ZNF503: variants seen among roughly 807,000 people sequenced by gnomAD.
ZNF503 encodes zinc finger protein 503.
ZNF503 carries 15 observed loss-of-function variants against 34.4 expected under a neutral mutation model. The observed-to-expected ratio is 0.44, with a 90% CI of 0.29 to 0.67. The LOEUF (loss-of-function observed/expected upper bound fraction) is 0.67, where lower values mean the gene tolerates loss of function less well. Ranked by LOEUF, ZNF503 falls within the 30% of genes least tolerant of loss-of-function variation. The pLI, the probability that ZNF503 is intolerant of heterozygous loss-of-function variation, is 0.13. For synonymous variants in ZNF503, 580 were observed against 456.8 expected (o/e 1.27, Z -3.44); for missense variants, 1,007 against 926.8 (o/e 1.09, Z -1.12).
the ZNF503 span, among the ~76,000 whole-genome samples, chr10:75,345,332 C>T: frequency 6.6e-6 from 1 of 152,024 alleles, no homozygotes; most frequent in Admixed American, 6.6e-5. Context: ...CTCTCTAAGA[C>T]CCTCTGGCAT....
chr10:75,300,662 C>G, the ZNF503 span, among the ~76,000 whole-genome samples: 1 of 151,736 alleles, frequency 6.6e-6, no homozygotes, highest in Non-Finnish European at 1.5e-5. Flanking sequence ...GTTCGGGGTC[C>G]CTGACTTCCC....
chr10:75,313,200 C>A, the ZNF503 span, among the ~76,000 whole-genome samples: 1 of 152,112 alleles, frequency 6.6e-6, no homozygotes, highest in African/African-American at 2.4e-5. Flanking sequence ...AGCAAGATGG[C>A]AAAATAGGGG....
At chr10:75,336,377 CAAA>C in the ZNF503 span, among the ~76,000 whole-genome samples, 5 of 137,390 alleles carry the variant, frequency 3.6e-5, no homozygotes, top group Admixed American at 7.4e-5. Context: ...ACAGAATTGT[CAAA>C]AAAAAAAAAA....
At chr10:75,383,126 G>A in the ZNF503 span, among the ~76,000 whole-genome samples, 2 of 152,206 alleles carry the variant, frequency 1.3e-5, no homozygotes, top group African/African-American at 2.4e-5. Context: ...TTGGAAGCCC[G>A]AGGGGCCCAT....
At chr10:75,322,127 A>ATTTT in the ZNF503 span, among the ~76,000 whole-genome samples, 15 of 140,174 alleles carry the variant, frequency 1.1e-4, no homozygotes, top group African/African-American at 3.2e-4. Context: ...ACCACCACCA[A>ATTTT]TTTTTTTTTT....
Position 75,399,625 on chromosome 10 carries a change from C to T in ZNF503, c.1065G>A (p.Ala355=). Residue 355 remains alanine (A), a synonymous_variant, in exon 2 of 2, where the codon GCG becomes GCA. Transcript: ENST00000372524. ...CCAGGCTGCCTGGGTAGGTCATACC[C>T]GCGGGAGGCAGAGGGAACACTGTCT... ...PGQTVFPLPP[A]GMTYPGSLAG... is the part of the protein sequence containing the mutation. 1 of 1,598,536 alleles carries T rather than the reference C, an allele frequency of 6.3e-7. No individual in the cohort carries two copies. Among genetic ancestry groups the T allele is most frequent in the Non-Finnish European group, 8.5e-7 (1 of 1,179,652 alleles).
the ZNF503 span, among the ~76,000 whole-genome samples, chr10:75,301,163 A>T: frequency 6.6e-6 from 1 of 152,118 alleles, no homozygotes; most frequent in South Asian, 2.1e-4. Flanking sequence ...CCAGTCTGAC[A>T]ATCTCTGCCT....
At chr10:75,301,429 T>C in the ZNF503 span, among the ~76,000 whole-genome samples, 1 of 152,044 alleles carries the variant, frequency 6.6e-6, no homozygotes, top group African/African-American at 2.4e-5. Flanking sequence ...TTAGTAGAGA[T>C]GGGGTTTCAC....
chr10:75,359,874 C>T, the ZNF503 span, among the ~76,000 whole-genome samples: 1 of 152,114 alleles, frequency 6.6e-6, no homozygotes. Flanking sequence ...GCTTCAGGAA[C>T]CTGAGAGTGA....
At chr10:75,325,856 G>A in the ZNF503 span, among the ~76,000 whole-genome samples, 2 of 131,650 alleles carry the variant, frequency 1.5e-5, no homozygotes, top group South Asian at 5.9e-4. Flanking sequence ...GTTGTAAATG[G>A]TATTGCTTTT....
the ZNF503 span, chr10:75,350,480 G>A: frequency 6.6e-6 from 1 of 152,142 alleles, no homozygotes; most frequent in East Asian, 1.9e-4. Flanking sequence ...GGTAACCACT[G>A]TTATCAGCTT....
In ZNF503 at chr10:75,401,084, A is replaced by C. The variant is rs758678145; in HGVS notation, c.315+21T>G. ...CAGCCAGGGTAGTGGTCCCAGTGCGATCCAGAGAGAGGGTCCTTACCTCGA... is the reference window on the plus strand; with the variant it reads ...CAGCCAGGGTAGTGGTCCCAGTGCGCTCCAGAGAGAGGGTCCTTACCTCGA... On this transcript the variant is annotated intron_variant, in intron 1 of 1. Coordinates refer to ENST00000372524, the MANE Select transcript of ZNF503 (RefSeq NM_032772.6). 5.3e-5 allele frequency: 86 copies of C among 1,613,502 alleles called. 2 individuals carry two copies. The South Asian group carries it at 9.0e-4, about 17-fold the overall frequency.
rs765948325 is a variant in ZNF503, at chr10:75,399,421, T to C, written c.1269A>G (p.Thr423=). The change falls in exon 2 of 2, where the codon ACA becomes ACG. Residue 423 remains threonine (T), a synonymous_variant. Transcript: ENST00000372524. ...LAGASPPSVM[T]ASLCRDPYCL... is the part of the protein sequence containing the mutation. ...AGTAAGGGTCCCGGCACAAACTGGC[T>C]GTCATCACGGACGGCGGAGACGCTC... The C allele has an allele frequency of 1.2e-6, 2 of 1,603,012 alleles. No homozygotes were observed. The highest frequency in any genetic ancestry group is 1.3e-5 in the African/African-American group (1 of 74,926).
At chr10:75,378,081 C>T in the ZNF503 span, among the ~76,000 whole-genome samples, 13 of 151,932 alleles carry the variant, frequency 8.6e-5, no homozygotes, top group Non-Finnish European at 1.3e-4. Flanking sequence ...GAGGACAGCA[C>T]CAGGCAGGGG....
the ZNF503 span, among the ~76,000 whole-genome samples, chr10:75,374,584 T>C: frequency 6.6e-6 from 1 of 152,006 alleles, no homozygotes; most frequent in Non-Finnish European, 1.5e-5. Context: ...CCCTGCCCCA[T>C]TAAAAATAGC....
At chr10:75,317,007 T>C in the ZNF503 span, among the ~76,000 whole-genome samples, 1 of 152,184 alleles carries the variant, frequency 6.6e-6, no homozygotes, top group Admixed American at 6.5e-5. Context: ...AGCAGCACAG[T>C]CATAGCTCAC....
chr10:75,368,333 AG>A, the ZNF503 span, among the ~76,000 whole-genome samples: 1 of 152,192 alleles, frequency 6.6e-6, no homozygotes, highest in Non-Finnish European at 1.5e-5. Flanking sequence ...GGTACCAATA[AG>A]AATAACAAAT....
At chr10:75,310,504 A>C in the ZNF503 span, among the ~76,000 whole-genome samples, 1 of 152,254 alleles carries the variant, frequency 6.6e-6, no homozygotes, top group Non-Finnish European at 1.5e-5. Context: ...CTCTAGCTAA[A>C]CACCACAGAA....
At chr10:75,319,974 T>G in the ZNF503 span, among the ~76,000 whole-genome samples, 1 of 152,200 alleles carries the variant, frequency 6.6e-6, no homozygotes, top group Non-Finnish European at 1.5e-5. Context: ...AATCTCCAGA[T>G]TCAGATGGTT....
Sources: allele counts gnomAD v4.1 joint callset (sites outside exome capture counted in the v4.1 genomes callset), GRCh38; gene constraint gnomAD v4.1.1; transcripts MANE v1.5; gene names NCBI Gene and HGNC (gene_info 2026-07-23, HGNC 2026-07-21).